The following KSR2 variants were observed in gnomAD, a reference collection of about 807,000 sequenced individuals.
KSR2 encodes the protein kinase suppressor of ras 2.
In KSR2, 25 loss-of-function variants were observed where a neutral mutation model predicts 107.8. The observed-to-expected ratio is 0.23, with a 90% confidence interval of 0.17 to 0.32. The LOEUF is 0.32. Among genes scored for constraint, KSR2 ranks in the 10% least tolerant of loss-of-function variants. The pLI, the probability that KSR2 is intolerant of heterozygous loss-of-function variation, is 1.00. For synonymous variants in KSR2, 480 were observed against 507.0 expected (o/e 0.95, Z 0.71); for missense variants, 887 against 1,268.9 (o/e 0.70, Z 4.57).
At chr12:117,716,861 A>C (rs1467357051) in intron 4 of KSR2, among the ~76,000 whole-genome samples, 1 of 152,192 alleles carries the variant, frequency 6.6e-6, no homozygotes, top group East Asian at 1.9e-4. Context: ...AATCTATACA[A>C]ATGCAAGCTC....
intron 5 of KSR2, among the ~76,000 whole-genome samples, chr12:117,593,726 C>A (rs909640819): frequency 2.0e-5 from 3 of 152,230 alleles, no homozygotes; most frequent in Non-Finnish European, 4.4e-5. Context: ...GAAGCAGGTA[C>A]CTGGCAATAG....
intron 1 of KSR2, among the ~76,000 whole-genome samples, chr12:117,916,132 CTTCTT>C (rs1895165054): frequency 8.0e-6 from 1 of 125,710 alleles, no homozygotes; most frequent in South Asian, 2.8e-4. Context: ...TTTATTTCTT[CTTCTT>C]TTTTTTTTTT....
intron 9 of KSR2, among the ~76,000 whole-genome samples, chr12:117,541,351 G>A (rs76381000): frequency 0.016 from 2,362 of 151,686 alleles, 67 homozygotes; most frequent in African/African-American, 0.055. Context: ...CAGGCAGGGA[G>A]GAACAGTAGC....
intron 1 of KSR2, among the ~76,000 whole-genome samples, chr12:117,903,391 G>A (rs1318150484): frequency 6.6e-6 from 1 of 152,080 alleles, no homozygotes; most frequent in Non-Finnish European, 1.5e-5. Flanking sequence ...TAAAAATAGA[G>A]GATGTCCACT....
At chr12:117,605,459 C>T (rs1295921014) in intron 5 of KSR2, among the ~76,000 whole-genome samples, 1 of 152,126 alleles carries the variant, frequency 6.6e-6, no homozygotes, top group Non-Finnish European at 1.5e-5. Context: ...TAAATGTGTG[C>T]CATGGTGGTT....
At chr12:117,957,988 C>A (rs1007986827) in intron 1 of KSR2, among the ~76,000 whole-genome samples, 2 of 152,146 alleles carry the variant, frequency 1.3e-5, no homozygotes, top group African/African-American at 4.8e-5. Context: ...TGTGCCCCCA[C>A]ACCAGCTAAT....
At chr12:117,707,678 G>C (rs542839576) in intron 4 of KSR2, among the ~76,000 whole-genome samples, 1 of 152,140 alleles carries the variant, frequency 6.6e-6, no homozygotes, top group Non-Finnish European at 1.5e-5. Context: ...CGCACACTCC[G>C]GCCTTGAGAA....
At chr12:117,640,228 AG>A (rs1883294582) in intron 5 of KSR2, among the ~76,000 whole-genome samples, 1 of 137,248 alleles carries the variant, frequency 7.3e-6, no homozygotes, top group Admixed American at 7.8e-5. Context: ...GTTCCAATGA[AG>A]CTCTTTTTTT....
chr12:117,896,728 G>A (rs925198234), intron 1 of KSR2, among the ~76,000 whole-genome samples: 7 of 152,116 alleles, frequency 4.6e-5, no homozygotes, highest in Admixed American at 4.6e-4. Context: ...CCAAAGTGCT[G>A]GGATTATAGG....
At chr12:117,649,640 C>T (rs1555224699) in intron 5 of KSR2, among the ~76,000 whole-genome samples, 1 of 152,116 alleles carries the variant, frequency 6.6e-6, no homozygotes, top group Non-Finnish European at 1.5e-5. Context: ...CCAGGCTTGT[C>T]CAACTCTCAG....
At chr12:117,598,937 C>T (rs1880791540) in intron 5 of KSR2, among the ~76,000 whole-genome samples, 1 of 151,858 alleles carries the variant, frequency 6.6e-6, no homozygotes, top group Non-Finnish European at 1.5e-5. Context: ...AAAATCAAAA[C>T]AAATAAAGTC....
chr12:117,863,849 A>G (rs77762379), intron 1 of KSR2, among the ~76,000 whole-genome samples: 2,986 of 151,738 alleles, frequency 0.02, 55 homozygotes, highest in Non-Finnish European at 0.03. Context: ...CCTTCCCCAC[A>G]TCACTCCACT....
chr12:117,931,504 A>T (rs1289883827), intron 1 of KSR2, among the ~76,000 whole-genome samples: 3 of 152,196 alleles, frequency 2.0e-5, no homozygotes, highest in Non-Finnish European at 2.9e-5. Flanking sequence ...TTGAGTCAAG[A>T]CTGCCACAGT....
At chr12:117,615,092 G>C (rs1881800165) in intron 5 of KSR2, among the ~76,000 whole-genome samples, 1 of 151,942 alleles carries the variant, frequency 6.6e-6, no homozygotes, top group Admixed American at 6.6e-5. Flanking sequence ...GTGTTCTCCT[G>C]TCTAGTCTAC....
chr12:117,952,151 C>A (rs1896379724), intron 1 of KSR2, among the ~76,000 whole-genome samples: 2 of 128,424 alleles, frequency 1.6e-5, no homozygotes, highest in African/African-American at 3.1e-5. Flanking sequence ...CTTAAATGTT[C>A]TCATCACACA....
Position 117,459,242 on chromosome 12 carries a change from G to A in KSR2, c.*7957C>T, listed in dbSNP as rs568913528. On this transcript the variant is annotated 3_prime_UTR_variant, in exon 20 of 20. Transcript: ENST00000339824. ...CACCAACTACAGCCCAAATGGCTTG[G>A]CTTCTGGAAGTTTCTGAGGCCTGAG... 15 of 152,320 alleles carry A rather than the reference G, an allele frequency of 9.8e-5. No homozygotes were observed. The highest frequency in any genetic ancestry group is 3.6e-4 in the African/African-American group (15 of 41,564). 9.4% of individuals were successfully genotyped at this position (152,320 alleles called of 1,614,324 possible). A position where few individuals can be genotyped will look rare whatever the true frequency, so the allele number is the denominator to read the frequency against.
intron 5 of KSR2, 129 bp downstream of exon 5, chr12:117,667,344 AC>A (rs1884697925): frequency 3.5e-6 from 3 of 869,558 alleles, no homozygotes; most frequent in African/African-American, 1.7e-5. Flanking sequence ...GTGAAGCTCT[AC>A]AGTGAGCATT....
chr12:117,594,765 C>A (rs1416397094), intron 5 of KSR2, among the ~76,000 whole-genome samples: 1 of 152,190 alleles, frequency 6.6e-6, no homozygotes, highest in Non-Finnish European at 1.5e-5. Flanking sequence ...TAACCTAGAG[C>A]AACAGTTCTC....
rs1807190832 is a variant in KSR2, at chr12:117,601,121, C to T, written c.1172-18762G>A. ...GTTCTGCTACTTGTCAGCTATAAAA[C>T]TTTGGGCAAGTTCTTAAGTTCCTCA... On this transcript the variant is annotated intron_variant, in intron 5 of 19. Coordinates refer to ENST00000339824, the MANE Select transcript of KSR2 (RefSeq NM_173598.6). Among the ~76,000 whole-genome samples, 3 of 152,248 alleles carry T rather than the reference C, an allele frequency of 2.0e-5. No homozygotes were observed. The South Asian group carries it at 6.2e-4, about 32-fold the overall frequency.
Sources: allele counts gnomAD v4.1 joint callset (sites outside exome capture counted in the v4.1 genomes callset), GRCh38; gene constraint gnomAD v4.1.1; transcripts MANE v1.5; gene names NCBI Gene and HGNC (gene_info 2026-07-23, HGNC 2026-07-21).